The following ADCY2 variants were observed in gnomAD, a reference collection of about 807,000 sequenced individuals.
ADCY2 encodes adenylate cyclase type 2.
A neutral mutation model predicts 125.2 loss-of-function variants in ADCY2; 31 were observed. That is an observed-to-expected ratio of 0.25 (90% CI 0.19 to 0.33). The LOEUF (loss-of-function observed/expected upper bound fraction) is 0.33, where lower values mean the gene tolerates loss of function less well. Ranked by LOEUF, ADCY2 falls within the 10% of genes least tolerant of loss-of-function variation. The pLI is 1.00. For synonymous variants in ADCY2, 512 were observed against 548.4 expected, an observed-to-expected ratio of 0.93 and a Z score of 0.93; for missense variants, 904 against 1,418.2, an observed-to-expected ratio of 0.64 and a Z score of 5.82.
intron 3 of ADCY2, among the ~76,000 whole-genome samples, chr5:7,540,894 G>T (rs77092034): frequency 0.015 from 2,249 of 152,256 alleles, 46 homozygotes; most frequent in African/African-American, 0.049. Context: ...AAGATGAAAA[G>T]GCACTCGAGG....
intron 2 of ADCY2, among the ~76,000 whole-genome samples, chr5:7,436,478 C>T (rs534813680): frequency 1.3e-5 from 2 of 152,130 alleles, no homozygotes; most frequent in South Asian, 2.1e-4. Context: ...GTGTTTTTGT[C>T]CCACTCAACA....
chr5:7,419,267 A>G (rs1260538225), intron 2 of ADCY2, among the ~76,000 whole-genome samples: 1 of 152,106 alleles, frequency 6.6e-6, no homozygotes, highest in East Asian at 1.9e-4. Context: ...AGAAGAACCC[A>G]CGGAACTTGT....
At chr5:7,806,694 TATC>T (rs1185563530) in intron 22 of ADCY2, among the ~76,000 whole-genome samples, 1 of 152,160 alleles carries the variant, frequency 6.6e-6, no homozygotes, top group African/African-American at 2.4e-5. Flanking sequence ...GCTCCACCCT[TATC>T]ATCTTAGTTG....
intron 4 of ADCY2, among the ~76,000 whole-genome samples, chr5:7,638,021 A>G (rs1476583028): frequency 6.6e-6 from 1 of 152,246 alleles, no homozygotes; most frequent in Admixed American, 6.5e-5. Context: ...CACAGGTGGC[A>G]GCTCCAGCCA....
chr5:7,770,057 C>T (rs1347096240), intron 17 of ADCY2, among the ~76,000 whole-genome samples: 1 of 152,220 alleles, frequency 6.6e-6, no homozygotes, highest in East Asian at 1.9e-4. Context: ...TGGCTATTTG[C>T]AGGTTCCCAA....
chr5:7,437,390 C>G (rs7712495), intron 2 of ADCY2, among the ~76,000 whole-genome samples: 123,307 of 152,126 alleles, frequency 0.81, 50,489 homozygotes, highest in African/African-American at 0.87. Flanking sequence ...ACGTGTTAAC[C>G]CACACTGCTG....
intron 4 of ADCY2, among the ~76,000 whole-genome samples, chr5:7,679,402 T>C (rs1348768010): frequency 1.3e-5 from 2 of 152,148 alleles, no homozygotes; most frequent in African/African-American, 2.4e-5. Flanking sequence ...TTGTCCAACG[T>C]GTTAGAAGAC....
intron 2 of ADCY2, among the ~76,000 whole-genome samples, chr5:7,509,891 A>G (rs184062462): frequency 6.6e-6 from 1 of 152,308 alleles, no homozygotes; most frequent in East Asian, 1.9e-4. Flanking sequence ...AAGAATTTCC[A>G]ATTATGCTTT....
intron 3 of ADCY2, among the ~76,000 whole-genome samples, chr5:7,577,484 G>A (rs1057482622): frequency 6.6e-6 from 1 of 152,142 alleles, no homozygotes; most frequent in African/African-American, 2.4e-5. Context: ...GCAATGGTGT[G>A]TATGATTTGT....
intron 7 of ADCY2, among the ~76,000 whole-genome samples, chr5:7,700,236 A>G (rs1164787980): frequency 6.6e-6 from 1 of 152,160 alleles, no homozygotes; most frequent in African/African-American, 2.4e-5. Flanking sequence ...TTTCACTGTG[A>G]TTCCAGAGAA....
At chr5:7,794,667 G>T (rs1744367877) in intron 20 of ADCY2, 1 of 152,162 alleles carries the variant, frequency 6.6e-6, no homozygotes, top group Non-Finnish European at 1.5e-5. Context: ...GCATAGCAAA[G>T]TCGTGCCCCT....
intron 1 of ADCY2, among the ~76,000 whole-genome samples, chr5:7,406,716 T>C (rs2126308983): frequency 6.6e-6 from 1 of 152,362 alleles, no homozygotes; most frequent in Non-Finnish European, 1.5e-5. Flanking sequence ...TTGTCTGCCA[T>C]AAATAAGAAG....
At chr5:7,641,658 T>G (rs1158613893) in intron 4 of ADCY2, among the ~76,000 whole-genome samples, 1 of 152,118 alleles carries the variant, frequency 6.6e-6, no homozygotes, top group Non-Finnish European at 1.5e-5. Context: ...TTTTCAACTC[T>G]TGCCCCTCTG....
At chr5:7,631,440 T>C (rs1738307593) in intron 4 of ADCY2, among the ~76,000 whole-genome samples, 1 of 152,166 alleles carries the variant, frequency 6.6e-6, no homozygotes, top group Non-Finnish European at 1.5e-5. Context: ...CCCAGATCAC[T>C]CAGTGAGTAA....
chr5:7,650,923 T>A (rs1739065477), intron 4 of ADCY2, among the ~76,000 whole-genome samples: 1 of 152,150 alleles, frequency 6.6e-6, no homozygotes, highest in South Asian at 2.1e-4. Flanking sequence ...GCTGATTTAC[T>A]GACAAGACGT....
chr5:7,748,531 C>CACACACACAG (rs1742705062), intron 15 of ADCY2, among the ~76,000 whole-genome samples: 2 of 67,510 alleles, frequency 3.0e-5, no homozygotes, highest in South Asian at 8.5e-4. Flanking sequence ...CACACACACA[C>CACACACACAG]ACACACACAC....
At chr5:7,475,673 C>A (rs1168187534) in intron 2 of ADCY2, among the ~76,000 whole-genome samples, 1 of 152,212 alleles carries the variant, frequency 6.6e-6, no homozygotes, top group Non-Finnish European at 1.5e-5. Flanking sequence ...TGAGCCACTG[C>A]ACCCGGCAAG....
chr5:7,567,660 C>T (rs1735944260), intron 3 of ADCY2, among the ~76,000 whole-genome samples: 1 of 152,114 alleles, frequency 6.6e-6, no homozygotes, highest in Non-Finnish European at 1.5e-5. Flanking sequence ...GAAATTCAAA[C>T]TCTACCAGTC....
chr5:7,572,128 C>A (rs1736085325), intron 3 of ADCY2, among the ~76,000 whole-genome samples: 1 of 152,078 alleles, frequency 6.6e-6, no homozygotes, highest in African/African-American at 2.4e-5. Flanking sequence ...TATGATGGAA[C>A]AATTTATATT....
Sources: allele counts gnomAD v4.1 joint callset (sites outside exome capture counted in the v4.1 genomes callset), GRCh38; gene constraint gnomAD v4.1.1; transcripts MANE v1.5; gene names NCBI Gene and HGNC (gene_info 2026-07-23, HGNC 2026-07-21).